IL16: variants seen among roughly 807,000 people sequenced by gnomAD.
IL16 encodes interleukin 16.
Under a neutral mutation model 110.1 loss-of-function variants are expected in IL16, and 67 were observed. The observed-to-expected ratio is 0.61, with a 90% CI of 0.50 to 0.75. IL16 has a LOEUF of 0.75. Among genes scored for constraint, IL16 ranks in the 30% least tolerant of loss-of-function variants. The pLI, the probability that IL16 is intolerant of heterozygous loss-of-function variation, is 0.00. For synonymous variants in IL16, 689 were observed against 662.9 expected (o/e 1.04, Z -0.61); for missense variants, 1,545 against 1,655.0 (o/e 0.93, Z 1.15).
At position 81,303,015 on chromosome 15, in the gene IL16, ATGTGTG is replaced by A. The variant is rs34522610; in HGVS notation, c.3319-510_3319-505del. On this transcript the variant is annotated intron_variant, in intron 15 of 18. Transcript: ENST00000683961. The surrounding 1 kb of genome is among the most constrained non-coding windows in gnomAD (Gnocchi z 4.1). ...GTCTAGGCTAGGAAGTACCGTAGTA[ATGTGTG>A]TGTGTGTGTGTGTGTGTGTGTGTCA... 3.1e-4 allele frequency among the ~76,000 whole-genome samples: 47 copies of A among 149,998 alleles called. No individual in the cohort carries two copies. The highest frequency in any genetic ancestry group is 3.4e-3 in the Middle Eastern group (1 of 292).
At chr15:81,188,319 C>T (rs1895446369) in intron 1 of IL16, 2 of 456,314 alleles carry the variant, frequency 4.4e-6, no homozygotes, top group Non-Finnish European at 8.8e-6. Flanking sequence ...ATTTCTGGCT[C>T]TTGCACACTG....
At chr15:81,187,208 C>T (rs936690428) in intron 1 of IL16, among the ~76,000 whole-genome samples, 1 of 152,154 alleles carries the variant, frequency 6.6e-6, no homozygotes, top group African/African-American at 2.4e-5. Flanking sequence ...GTAAGATTTA[C>T]ATACAGTGAA....
In IL16 at chr15:81,197,003, T is replaced by A. The variant is rs1049179517; in HGVS notation, c.-251T>A. 1.0e-5 allele frequency: 13 copies of A among 1,284,644 alleles called. No individual in the cohort carries two copies. The highest frequency in any genetic ancestry group is 4.8e-4 in the Middle Eastern group (2 of 4,162). The allele number at this position is 1,284,644 out of a possible 1,614,324, so 79.6% of individuals were successfully genotyped here. ...CCTCCGTCTGAGAACTGAGCGTCCATTTCTCAATCCTTGCCGGCTCTGACC... is the reference window on the plus strand; with the variant it reads ...CCTCCGTCTGAGAACTGAGCGTCCAATTCTCAATCCTTGCCGGCTCTGACC... On this transcript the variant is annotated 5_prime_UTR_variant, in exon 1 of 19. Transcript: ENST00000683961.
intron 3 of IL16, among the ~76,000 whole-genome samples, chr15:81,260,085 T>A (rs1365867664): frequency 6.6e-6 from 1 of 152,184 alleles, no homozygotes; most frequent in Non-Finnish European, 1.5e-5. Flanking sequence ...AGTGCCATGC[T>A]GGAAAGACCT....
chr15:81,184,547 C>T (rs1002468907), intron 1 of IL16, among the ~76,000 whole-genome samples: 5 of 152,216 alleles, frequency 3.3e-5, no homozygotes, highest in Admixed American at 1.3e-4. Flanking sequence ...TGGCTGAAGG[C>T]AGTTTCCCGA....
intron 12 of IL16, among the ~76,000 whole-genome samples, chr15:81,295,723 G>A (rs1899952278): frequency 6.6e-6 from 1 of 152,196 alleles, no homozygotes; most frequent in Non-Finnish European, 1.5e-5. Context: ...CTACAGTAGG[G>A]AACTCGAGCT....
intron 2 of IL16, among the ~76,000 whole-genome samples, chr15:81,234,221 T>C (rs1324802782): frequency 2.6e-5 from 4 of 152,152 alleles, no homozygotes; most frequent in Non-Finnish European, 4.4e-5. Context: ...TCTTTGTCTT[T>C]AGAATTGTAG....
At chr15:81,307,932 C>T (rs1477692669) in intron 18 of IL16, among the ~76,000 whole-genome samples, 1 of 152,200 alleles carries the variant, frequency 6.6e-6, no homozygotes, top group Non-Finnish European at 1.5e-5. Context: ...TTGCCCAATA[C>T]ACTTTAGCTA....
intron 1 of IL16, among the ~76,000 whole-genome samples, chr15:81,209,251 T>C (rs1239429205): frequency 6.6e-6 from 1 of 152,068 alleles, no homozygotes; most frequent in Non-Finnish European, 1.5e-5. Context: ...AGGGAAATCA[T>C]GGGTACACCG....
intron 11 of IL16, chr15:81,291,966 A>G (rs1316687204): frequency 2.2e-6 from 1 of 456,032 alleles, no homozygotes; most frequent in East Asian, 6.9e-5. Flanking sequence ...TGACTCTGAG[A>G]TGGAGTTTGG....
chr15:81,231,320 G>GTCTCTC (rs1304721258), intron 2 of IL16, among the ~76,000 whole-genome samples: 30 of 50,976 alleles, frequency 5.9e-4, no homozygotes, highest in South Asian at 1.2e-3. Context: ...CCCAAGGTCG[G>GTCTCTC]TCTGTCTCTC....
At chr15:81,192,842 G>A (rs1474991828), upstream of IL16, among the ~76,000 whole-genome samples, 1 of 152,212 alleles carries the variant, frequency 6.6e-6, no homozygotes, top group East Asian at 1.9e-4. Context: ...CGGAAAGAAA[G>A]TGGGATAGCT....
chr15:81,223,252 G>T (rs1277103489), intron 1 of IL16, among the ~76,000 whole-genome samples: 1 of 152,084 alleles, frequency 6.6e-6, no homozygotes, highest in African/African-American at 2.4e-5. Context: ...TGAAGAGGAG[G>T]TAAGCATGAG....
At chr15:81,229,452 G>A (rs1896899861) in intron 2 of IL16, among the ~76,000 whole-genome samples, 3 of 152,062 alleles carry the variant, frequency 2.0e-5, no homozygotes, top group Admixed American at 1.3e-4. Flanking sequence ...GAGGTGATGA[G>A]CACAGTGGAG....
At chr15:81,206,142 T>A (rs1201554300) in intron 1 of IL16, among the ~76,000 whole-genome samples, 1 of 152,240 alleles carries the variant, frequency 6.6e-6, no homozygotes, top group African/African-American at 2.4e-5. Context: ...ATTGAATATG[T>A]GCTTACATAT....
intron 2 of IL16, among the ~76,000 whole-genome samples, chr15:81,258,704 GCTCT>G (rs920165623): frequency 6.7e-6 from 1 of 150,106 alleles, no homozygotes; most frequent in Non-Finnish European, 1.5e-5. Flanking sequence ...GTCCTGACCT[GCTCT>G]CTCTCTGTCA....
Position 81,258,151 on chromosome 15 carries a change from G to A in IL16, c.313-1621G>A, listed in dbSNP as rs542216255. Among the ~76,000 whole-genome samples the A allele has an allele frequency of 6.6e-5, 10 of 152,274 alleles. No individual in the cohort carries two copies. The South Asian group carries it at 1.7e-3, about 25-fold the overall frequency. On this transcript the variant is annotated intron_variant, in intron 2 of 18. Coordinates refer to ENST00000683961, the MANE Select transcript of IL16 (RefSeq NM_172217.5). ...AATAACCAGAAAACAGCTTCAGGAA[G>A]AGAAATAAAGTAATTAATACCATCA...
Position 81,189,627 on chromosome 15 carries a change from C to G in IL16, c.40+6731C>G, listed in dbSNP as rs192273612. Among the ~76,000 whole-genome samples the G allele has an allele frequency of 9.7e-4, 148 of 152,206 alleles. 2 individuals carry two copies. The highest frequency in any genetic ancestry group is 3.4e-3 in the African/African-American group (142 of 41,542). On this transcript the variant is annotated intron_variant, in intron 1 of 18. Transcript: ENST00000302987. Reference sequence around the variant, plus strand: ...AGTTGGGAGGGGGTGTCAGGGAAGTCTTCCTGGAGGAGGTGATTCTGAGCC... The same window carrying G: ...AGTTGGGAGGGGGTGTCAGGGAAGTGTTCCTGGAGGAGGTGATTCTGAGCC...
chr15:81,225,511 G>C lies in IL16; in HGVS notation c.112G>C (p.Asp38His). ...GACCAGTGATGATGGCTCTAGCCCT[G>C]ATGAGAAATATCCTGATCCCTTTGA... ...AKTSDDGSSPDEKYPDPFEIS... is the reference protein window; with the variant it reads ...AKTSDDGSSPHEKYPDPFEIS... Residue 38 changes from aspartate (D) to histidine (H), a missense_variant, in exon 2 of 19, where the codon GAT becomes CAT. By Grantham distance (81) the Asp-to-His change is moderately conservative (BLOSUM62 -1). This residue lies in a region of IL16 where 1,185 missense variants were observed against 1,238.8 expected (regional missense o/e 0.96). Transcript: ENST00000683961. 7 of 1,614,114 alleles carry C rather than the reference G, an allele frequency of 4.3e-6. No individual in the cohort carries two copies. Among genetic ancestry groups the C allele is most frequent in the Non-Finnish European group, 5.9e-6 (7 of 1,179,984 alleles).
Sources: allele counts gnomAD v4.1 joint callset (sites outside exome capture counted in the v4.1 genomes callset), GRCh38; gene constraint gnomAD v4.1.1; regional missense constraint gnomAD v4.1.1; non-coding constraint Gnocchi (gnomAD v3.1); transcripts MANE v1.5; gene names NCBI Gene and HGNC (gene_info 2026-07-23, HGNC 2026-07-21).